TRMT13: variants seen among roughly 807,000 people sequenced by gnomAD.
The protein encoded by TRMT13 is tRNA methyltransferase 13, also known as tRNA:m(4)X modification enzyme TRM13 homolog.
In TRMT13, 45 loss-of-function variants were observed where a neutral mutation model predicts 55.9. That is an observed-to-expected ratio of 0.80 (90% CI 0.63 to 1.03). TRMT13 has a LOEUF of 1.03. Ranked by LOEUF, TRMT13 falls within the 50% of genes least tolerant of loss-of-function variation. The pLI, the probability that TRMT13 is intolerant of heterozygous loss-of-function variation, is 0.00. For synonymous variants in TRMT13, 183 were observed against 196.3 expected (o/e 0.93, Z 0.57); for missense variants, 513 against 563.9 (o/e 0.91, Z 0.91).
rs781335530 is a variant in TRMT13 at position 100,139,635 on chromosome 1, T to G, written c.262-14T>G. The G allele has an allele frequency of 6.8e-7, 1 of 1,479,576 alleles. No homozygotes were observed. The highest frequency in any genetic ancestry group is 9.4e-7 in the Non-Finnish European group (1 of 1,066,844). 91.7% of individuals were successfully genotyped at this position (1,479,576 alleles called of 1,614,324 possible). ...CATTATTAACAGTTCTTTTATGGTT[T>G]TGTTTTTGTTAAGGATTTCTATATT... On this transcript the variant is annotated splice_polypyrimidine_tract_variant and intron_variant, in intron 3 of 10. Transcript: ENST00000370141.
rs2101719393 is a variant in TRMT13, at chr1:100,137,078, C to A, written c.254C>A (p.Pro85Gln). The A allele has an allele frequency of 6.2e-7, 1 of 1,611,654 alleles. No homozygotes were observed. Residue 85 changes from proline (P) to glutamine (Q), a missense_variant, in exon 3 of 11, where the codon CCA (proline) becomes CAA (glutamine). Pro to Gln is a moderately conservative substitution (Grantham distance 76). Coordinates refer to ENST00000370141, the MANE Select transcript of TRMT13 (RefSeq NM_019083.3). ...HLKKCNSREK[P>Q]KPDFYIQDIN... ...AAAAAATGTAACTCAAGAGAGAAACCAAAACCTGTAAGTGTTTGATCAGTA... is the reference window on the plus strand; with the variant it reads ...AAAAAATGTAACTCAAGAGAGAAACAAAAACCTGTAAGTGTTTGATCAGTA...
At chr1:100,134,810 CAT>C (rs916783440) in intron 1 of TRMT13, among the ~76,000 whole-genome samples, 5 of 152,320 alleles carry the variant, frequency 3.3e-5, no homozygotes, top group African/African-American at 9.6e-5. Context: ...AGAGGAACGA[CAT>C]ATTGTCATTA....
rs1444593393 is a variant in TRMT13, at chr1:100,140,917, T to C, written c.567T>C (p.Phe189=). 1.2e-6 allele frequency: 2 copies of C among 1,613,694 alleles called. No homozygotes were observed. The highest frequency in any genetic ancestry group is 1.7e-6 in the Non-Finnish European group (2 of 1,179,848). ...LLGPRRCFVE[F]GAGKGKLSHW... ...GTCCAAGAAGATGCTTTGTTGAGTT[T>C]GGAGCGGGAAAGGGAAAATTATCTC... The change falls in exon 7 of 11, where the codon TTT becomes TTC. Residue 189 remains phenylalanine, a synonymous_variant. Coordinates refer to ENST00000370141, the MANE Select transcript of TRMT13 (RefSeq NM_019083.3).
In TRMT13 at chr1:100,148,782, T is replaced by C; in HGVS notation, c.1408T>C (p.Leu470=). The change falls in exon 11 of 11, where the codon TTA becomes CTA. Residue 470 remains leucine, a synonymous_variant. Coordinates refer to ENST00000370141, the MANE Select transcript of TRMT13 (RefSeq NM_019083.3). ...VSLENVLLTA[L]PNHSSSPETT... ...TTTGGAAAATGTTTTGTTAACTGCT[T>C]TACCAAATCATTCTTCATCACCAGA... 1 of 1,537,748 alleles carries C rather than the reference T, an allele frequency of 6.5e-7. No individual in the cohort carries two copies.
chr1:100,133,772 G>A lies in TRMT13; in HGVS notation c.147+457G>A, dbSNP rs370395627. 1.9e-4 allele frequency among the ~76,000 whole-genome samples: 29 copies of A among 152,282 alleles called. No homozygotes were observed. In the South Asian group the frequency reaches 3.9e-3, roughly 21 times the overall value. On this transcript the variant is annotated intron_variant, in intron 1 of 10. Transcript: ENST00000370141. ...TAAAAATTTAGACTTGAGGCCCGGCGCGGTGGCTCACGCCTGTAATCCCAG... is the reference window on the plus strand; with the variant it reads ...TAAAAATTTAGACTTGAGGCCCGGCACGGTGGCTCACGCCTGTAATCCCAG...
In TRMT13 at chr1:100,147,887, T is replaced by C. The variant is rs768091271; in HGVS notation, c.818-7T>C. On this transcript the variant is annotated splice_polypyrimidine_tract_variant and splice_region_variant and intron_variant, in intron 9 of 10. Transcript: ENST00000370141. ...GGTTTGGGGGGGCCACATAATTGTG[T>C]TTGCAGATCTTGCATTACGATGTTT... 3 of 1,582,936 alleles carry C rather than the reference T, an allele frequency of 1.9e-6. No individual in the cohort carries two copies. Among genetic ancestry groups the C allele is most frequent in the African/African-American group, 2.7e-5 (2 of 73,396 alleles).
chr1:100,147,901 A>G lies in TRMT13; in HGVS notation c.825A>G (p.Ala275=), dbSNP rs1457344655. Reference sequence around the variant, plus strand: ...ACATAATTGTGTTTGCAGATCTTGCATTACGATGTTTGGTTGAAACCTATG... The same window carrying G: ...ACATAATTGTGTTTGCAGATCTTGCGTTACGATGTTTGGTTGAAACCTATG... ...KHLCGMATDL[A]LRCLVETYAA... The change falls in exon 10 of 11, where the codon GCA becomes GCG. Residue 275 remains alanine, a synonymous_variant. Transcript: ENST00000370141. 25 of 1,597,196 alleles carry G rather than the reference A, an allele frequency of 1.6e-5. No homozygotes were observed. Among genetic ancestry groups the G allele is most frequent in the South Asian group, 3.4e-5 (3 of 88,784 alleles).
chr1:100,140,155 A>C, intron 4 of TRMT13, 27 bp from the exon 5 acceptor site: 2 of 1,549,458 alleles, frequency 1.3e-6, no homozygotes, highest in South Asian at 2.3e-5. Flanking sequence ...TTTTGGCTAC[A>C]TTATTTAGTT....
intron 8 of TRMT13, 72 bp from the exon 9 acceptor site, chr1:100,143,997 T>C (rs915335309): frequency 1.5e-6 from 2 of 1,304,092 alleles, no homozygotes; most frequent in African/African-American, 3.0e-5. Flanking sequence ...CTCTAATTAG[T>C]TCTTTCTTTT....
At chr1:100,134,467 T>TC (rs1429428241) in intron 1 of TRMT13, among the ~76,000 whole-genome samples, 1 of 152,208 alleles carries the variant, frequency 6.6e-6, no homozygotes, top group Non-Finnish European at 1.5e-5. Context: ...TGCAGATCAG[T>TC]CCCCTGACCC....
chr1:100,143,123 TTC>T lies in TRMT13; in HGVS notation c.670-12_670-11del. ...GTAAGAAGTGATTATTACAATAATG[TTC>T]TGTTTGTGCAGGTGGATGGAAAACA... On this transcript the variant is annotated splice_polypyrimidine_tract_variant and intron_variant, in intron 7 of 10. Transcript: ENST00000370141. 1 of 1,582,178 alleles carries T rather than the reference TTC, an allele frequency of 6.3e-7. No individual in the cohort carries two copies. Among genetic ancestry groups the T allele is most frequent in the African/African-American group, 1.3e-5 (1 of 74,314 alleles).
At chr1:100,148,360 AG>A in intron 10 of TRMT13, 34 bp downstream of exon 10, 1 of 1,574,874 alleles carries the variant, frequency 6.3e-7, no homozygotes. Context: ...ATGATACTAA[AG>A]GAGAAATATT....
intron 1 of TRMT13, among the ~76,000 whole-genome samples, chr1:100,134,595 C>T (rs1215199052): frequency 2.0e-5 from 3 of 152,038 alleles, no homozygotes; most frequent in African/African-American, 7.3e-5. Context: ...ATATGGGAGA[C>T]GTGATTTGTT....
chr1:100,147,040 A>G (rs922715046), intron 9 of TRMT13, among the ~76,000 whole-genome samples: 1 of 152,168 alleles, frequency 6.6e-6, no homozygotes, highest in Non-Finnish European at 1.5e-5. Flanking sequence ...TAGGGTAATA[A>G]AATTTTAAAA....
intron 1 of TRMT13, among the ~76,000 whole-genome samples, chr1:100,133,821 G>A (rs1260758193): frequency 6.6e-6 from 1 of 152,064 alleles, no homozygotes; most frequent in African/African-American, 2.4e-5. Flanking sequence ...CGAGGCGGGC[G>A]GATCACTTGA....
chr1:100,142,738 G>A (rs773858706), intron 7 of TRMT13, among the ~76,000 whole-genome samples: 8 of 152,248 alleles, frequency 5.3e-5, no homozygotes, highest in Middle Eastern at 6.8e-3. Flanking sequence ...TAGATCAGCC[G>A]GTCGTGGGCA....
At chr1:100,135,877 G>A (rs573547740) in intron 1 of TRMT13, among the ~76,000 whole-genome samples, 3 of 152,234 alleles carry the variant, frequency 2.0e-5, no homozygotes, top group East Asian at 1.9e-4. Flanking sequence ...GGTCCCATAA[G>A]GTTATAATAC....
intron 4 of TRMT13, 70 bp downstream of exon 4, chr1:100,139,781 A>T (rs1290267568): frequency 1.0e-6 from 1 of 985,674 alleles, no homozygotes. Flanking sequence ...TGAATAAGGC[A>T]TGTTCTAATT....
At chr1:100,148,530 T>TA (rs1278814777) in intron 10 of TRMT13, 95 bp from the exon 11 acceptor site, 1 of 1,183,236 alleles carries the variant, frequency 8.5e-7, no homozygotes, top group Non-Finnish European at 1.2e-6. Context: ...CATTATGGGT[T>TA]AGTTAACAGT....
Sources: allele counts gnomAD v4.1 joint callset (sites outside exome capture counted in the v4.1 genomes callset), GRCh38; gene constraint gnomAD v4.1.1; transcripts MANE v1.5; gene names NCBI Gene and HGNC (gene_info 2026-07-23, HGNC 2026-07-21).